The following GABRG3 variants were observed in gnomAD, a reference collection of about 807,000 sequenced individuals.
GABRG3 encodes the protein gamma-aminobutyric acid receptor subunit gamma-3.
In GABRG3, 25 loss-of-function variants were observed where a neutral mutation model predicts 48.8. That is an observed-to-expected ratio of 0.51 (90% CI 0.37 to 0.72). The LOEUF (loss-of-function observed/expected upper bound fraction) is 0.72. Among genes scored for constraint, GABRG3 ranks in the 30% least tolerant of loss-of-function variants. The pLI, the probability that GABRG3 is intolerant of heterozygous loss-of-function variation, is 0.00. For missense variants in GABRG3, 394 were observed against 577.9 expected, an observed-to-expected ratio of 0.68 and a Z score of 3.26; for synonymous variants, 227 against 217.6, an observed-to-expected ratio of 1.04 and a Z score of -0.38.
rs1308143919 is a variant in GABRG3, at chr15:27,539,718, C to CT, written c.*6839dup. 6.6e-6 allele frequency: 1 copy of CT among 152,216 alleles called. No homozygotes were observed. The highest frequency in any genetic ancestry group is 1.5e-5 in the Non-Finnish European group (1 of 68,056). The allele number at this position is 152,216 out of a possible 1,614,324, so 9.4% of individuals were successfully genotyped here. A position where few individuals can be genotyped will look rare whatever the true frequency, so the allele number is the denominator to read the frequency against. On this transcript the variant is annotated 3_prime_UTR_variant, in exon 10 of 10. Transcript: ENST00000615808. The stretch of plus-strand genomic sequence containing the variant: ...TCAGGGTACCCACTCCTCTACGTAG[C>CT]TTGGCAGACCCAGACCACCCTGAGC...
chr15:27,331,670 A>G lies in GABRG3; in HGVS notation c.574+2782A>G, dbSNP rs921579113. On this transcript the variant is annotated intron_variant, in intron 5 of 9. Coordinates refer to ENST00000615808, the MANE Select transcript of GABRG3 (RefSeq NM_033223.5). ...ATATTTGTCCAAACCCATAGAATGT[A>G]CAACACTAAGAATGAATGCTAAAAT... 5.3e-5 allele frequency among the ~76,000 whole-genome samples: 8 copies of G among 152,338 alleles called. No homozygotes were observed. The South Asian group carries it at 1.5e-3, about 28-fold the overall frequency.
chr15:27,411,687 G>C (rs946223283), intron 5 of GABRG3, among the ~76,000 whole-genome samples: 6 of 152,050 alleles, frequency 3.9e-5, no homozygotes, highest in African/African-American at 1.4e-4. Context: ...CTGTATTCCT[G>C]TGTTTTTAAG....
chr15:27,160,083 G>T (rs1463063040), intron 3 of GABRG3, among the ~76,000 whole-genome samples: 1 of 152,074 alleles, frequency 6.6e-6, no homozygotes, highest in Non-Finnish European at 1.5e-5. Flanking sequence ...TTTCCTGGGT[G>T]GACTCCCTGG....
At chr15:27,396,805 CT>C (rs1442778674) in intron 5 of GABRG3, among the ~76,000 whole-genome samples, 20 of 152,106 alleles carry the variant, frequency 1.3e-4, no homozygotes, top group African/African-American at 4.6e-4. Context: ...AAAAAAAGCT[CT>C]TGATTCATGT....
chr15:27,332,913 A>G (rs1438417932), intron 5 of GABRG3, among the ~76,000 whole-genome samples: 1 of 152,206 alleles, frequency 6.6e-6, no homozygotes, highest in East Asian at 1.9e-4. Context: ...TAATATTTTA[A>G]TTAATTAAAA....
At chr15:27,154,308 GA>G (rs1898377926) in intron 3 of GABRG3, among the ~76,000 whole-genome samples, 1 of 152,102 alleles carries the variant, frequency 6.6e-6, no homozygotes. Flanking sequence ...GTCAAGCAGA[GA>G]ATCTTTTTCA....
intron 3 of GABRG3, among the ~76,000 whole-genome samples, chr15:27,144,224 G>GTTC (rs201752919): frequency 0.023 from 3,487 of 152,294 alleles, 156 homozygotes; most frequent in African/African-American, 0.081. Context: ...CACTGACTGT[G>GTTC]TGGCATCTTA....
At chr15:27,308,823 A>G (rs1317815535) in intron 3 of GABRG3, among the ~76,000 whole-genome samples, 3 of 150,384 alleles carry the variant, frequency 2.0e-5, no homozygotes, top group South Asian at 4.3e-4. Flanking sequence ...CATATAGTGT[A>G]AACATACGTT....
At chr15:27,325,612 A>G (rs1185734959) in intron 3 of GABRG3, among the ~76,000 whole-genome samples, 1 of 152,070 alleles carries the variant, frequency 6.6e-6, no homozygotes, top group Non-Finnish European at 1.5e-5. Flanking sequence ...ATGACCACCA[A>G]CCTATTTATT....
intron 7 of GABRG3, among the ~76,000 whole-genome samples, chr15:27,525,442 A>T (rs1891252241): frequency 6.6e-6 from 1 of 151,796 alleles, no homozygotes; most frequent in African/African-American, 2.4e-5. Flanking sequence ...TTTGCAGAGC[A>T]CTCTTCTTTA....
chr15:27,167,487 C>T (rs1450292676), intron 3 of GABRG3, among the ~76,000 whole-genome samples: 1 of 152,208 alleles, frequency 6.6e-6, no homozygotes, highest in East Asian at 1.9e-4. Flanking sequence ...GCACTGCCTG[C>T]ATGTGGTGGG....
chr15:27,127,659 G>A (rs2110208), intron 3 of GABRG3, among the ~76,000 whole-genome samples: 44,880 of 152,066 alleles, frequency 0.3, 7,480 homozygotes, highest in Middle Eastern at 0.38. Flanking sequence ...TGGCCAACAC[G>A]TGCTTAAGCA....
chr15:27,422,209 G>A (rs1300726744), intron 5 of GABRG3, among the ~76,000 whole-genome samples: 1 of 151,854 alleles, frequency 6.6e-6, no homozygotes, highest in Non-Finnish European at 1.5e-5. Context: ...CATGGGAATG[G>A]GCTATAAATC....
At chr15:26,984,302 G>A (rs1321261889) in intron 2 of GABRG3, among the ~76,000 whole-genome samples, 2 of 151,916 alleles carry the variant, frequency 1.3e-5, no homozygotes, top group African/African-American at 4.8e-5. Flanking sequence ...CAACATACGT[G>A]GTCCAACTGC....
rs144697832 is a variant in GABRG3 at position 27,338,867 on chromosome 15, G to A, written c.574+9979G>A. On this transcript the variant is annotated intron_variant, in intron 5 of 9. Coordinates refer to ENST00000615808, the MANE Select transcript of GABRG3 (RefSeq NM_033223.5). ...CTGTATTTCATTCTAAACTCCTGTTGATGTGACCTAGGGAGAGAATCAACC... is the reference window on the plus strand; with the variant it reads ...CTGTATTTCATTCTAAACTCCTGTTAATGTGACCTAGGGAGAGAATCAACC... Among the ~76,000 whole-genome samples the A allele has an allele frequency of 9.2e-4, 140 of 152,302 alleles. 1 individual carries two copies. The highest frequency in any genetic ancestry group is 3.4e-3 in the Middle Eastern group (1 of 294).
chr15:27,020,706 C>T (rs968600411), intron 2 of GABRG3, among the ~76,000 whole-genome samples: 4 of 152,252 alleles, frequency 2.6e-5, no homozygotes, highest in East Asian at 3.9e-4. Flanking sequence ...CTTGAGCCAC[C>T]GCGCCCGGCC....
At chr15:27,403,551 T>C (rs1272326726) in intron 5 of GABRG3, among the ~76,000 whole-genome samples, 1 of 152,156 alleles carries the variant, frequency 6.6e-6, no homozygotes, top group Non-Finnish European at 1.5e-5. Context: ...GTGCAGTCAT[T>C]ACCTTGAGAG....
chr15:27,533,538 C>T lies in GABRG3; in HGVS notation c.*657C>T, dbSNP rs1321283347. 2 of 152,274 alleles carry T rather than the reference C, an allele frequency of 1.3e-5. No individual in the cohort carries two copies. Among genetic ancestry groups the T allele is most frequent in the Admixed American group, 6.5e-5 (1 of 15,284 alleles). 9.4% of individuals were successfully genotyped at this position (152,274 alleles called of 1,614,324 possible). The stretch of plus-strand genomic sequence containing the variant: ...GAGAAAATAAGATTTTCAAAATGCT[C>T]ATGTTGTTGGGGTCAAAGATGATTA... On this transcript the variant is annotated 3_prime_UTR_variant, in exon 10 of 10. Coordinates refer to ENST00000615808, the MANE Select transcript of GABRG3 (RefSeq NM_033223.5).
In GABRG3 at chr15:27,352,257, G is replaced by T. The variant is rs903884480; in HGVS notation, c.574+23369G>T. ...CTGCCAGACCGTTCAGCTAATCTCC[G>T]TCTCGCGCTCACTGTTCACAGCGTA... On this transcript the variant is annotated intron_variant, in intron 5 of 9. Transcript: ENST00000615808. This position sits in a 1 kb window ranked among gnomAD's most constrained non-coding sequence, Gnocchi z 4.0. 6.6e-6 allele frequency among the ~76,000 whole-genome samples: 1 copy of T among 151,814 alleles called. No homozygotes were observed. Among genetic ancestry groups the T allele is most frequent in the Non-Finnish European group, 1.5e-5 (1 of 67,962 alleles).
Sources: allele counts gnomAD v4.1 joint callset (sites outside exome capture counted in the v4.1 genomes callset), GRCh38; gene constraint gnomAD v4.1.1; non-coding constraint Gnocchi (gnomAD v3.1); transcripts MANE v1.5; gene names NCBI Gene and HGNC (gene_info 2026-07-23, HGNC 2026-07-21).